The following CPA6 variants were observed in gnomAD, a reference collection of about 807,000 sequenced individuals.
CPA6 encodes the protein carboxypeptidase B.
In CPA6, 58 loss-of-function variants were observed where a neutral mutation model predicts 63.3. The observed-to-expected ratio is 0.92, with a 90% CI of 0.74 to 1.14. CPA6 has a LOEUF of 1.14. Ranked by LOEUF, CPA6 falls within the 50% of genes most tolerant of loss-of-function variation. The pLI is 0.00. For synonymous variants in CPA6, 185 were observed against 179.0 expected, an observed-to-expected ratio of 1.03 and a Z score of -0.27; for missense variants, 565 against 526.6, an observed-to-expected ratio of 1.07 and a Z score of -0.71.
At chr8:67,669,891 C>T (rs181041905) in intron 1 of CPA6, among the ~76,000 whole-genome samples, 10 of 152,044 alleles carry the variant, frequency 6.6e-5, no homozygotes, top group Non-Finnish European at 1.2e-4. Context: ...TAAATAACAA[C>T]TGATGATGAT....
At chr8:67,463,242 G>A (rs1810853120) in intron 8 of CPA6, among the ~76,000 whole-genome samples, 1 of 152,076 alleles carries the variant, frequency 6.6e-6, no homozygotes, top group South Asian at 2.1e-4. Flanking sequence ...TCAGGAGTTC[G>A]AGACCAGCCT....
intron 1 of CPA6, among the ~76,000 whole-genome samples, chr8:67,733,215 A>ATTT (rs1817745822): frequency 7.6e-6 from 1 of 131,114 alleles, no homozygotes; most frequent in Non-Finnish European, 1.8e-5. Flanking sequence ...AAAAAAAAAA[A>ATTT]AAAAAAAAAT....
At chr8:67,492,030 TG>T (rs1389731390) in intron 6 of CPA6, among the ~76,000 whole-genome samples, 3 of 152,148 alleles carry the variant, frequency 2.0e-5, no homozygotes, top group Non-Finnish European at 4.4e-5. Flanking sequence ...CAATAATGGA[TG>T]GTGGAAAGAG....
At chr8:67,488,595 C>A (rs1379084435) in intron 6 of CPA6, among the ~76,000 whole-genome samples, 1 of 152,164 alleles carries the variant, frequency 6.6e-6, no homozygotes, top group Non-Finnish European at 1.5e-5. Context: ...TGAAGAAAGT[C>A]ATTGGTAGCT....
chr8:67,502,253 T>G (rs914026795), intron 6 of CPA6, among the ~76,000 whole-genome samples: 4 of 152,058 alleles, frequency 2.6e-5, no homozygotes, highest in Admixed American at 2.6e-4. Context: ...AGCCTAGGAG[T>G]TTGAGATAAG....
At chr8:67,710,070 G>A (rs562439482) in intron 1 of CPA6, among the ~76,000 whole-genome samples, 5 of 151,450 alleles carry the variant, frequency 3.3e-5, no homozygotes, top group African/African-American at 4.9e-5. Context: ...CTGAGATCGC[G>A]CCACTGCACT....
intron 1 of CPA6, among the ~76,000 whole-genome samples, chr8:67,727,136 A>G (rs2129002523): frequency 6.6e-6 from 1 of 151,692 alleles, no homozygotes; most frequent in South Asian, 2.1e-4. Context: ...TAAATACAGA[A>G]AAAAGTATAG....
At chr8:67,716,852 G>A (rs1316977353) in intron 1 of CPA6, among the ~76,000 whole-genome samples, 2 of 152,106 alleles carry the variant, frequency 1.3e-5, no homozygotes, top group African/African-American at 2.4e-5. Flanking sequence ...TCAGCCAGCT[G>A]TTCATAGTAG....
At chr8:67,660,633 A>G (rs751812270) in intron 1 of CPA6, among the ~76,000 whole-genome samples, 1 of 150,498 alleles carries the variant, frequency 6.6e-6, no homozygotes, top group Non-Finnish European at 1.5e-5. Flanking sequence ...ACGAACCTCT[A>G]TGCCCGGCCT....
intron 7 of CPA6, among the ~76,000 whole-genome samples, chr8:67,484,154 C>T (rs71515065): frequency 3.0e-4 from 46 of 152,022 alleles, no homozygotes; most frequent in Middle Eastern, 3.4e-3. Context: ...ACTGCAAGTT[C>T]CGCCTCCCGG....
At chr8:67,448,664 G>GAAAAAAAAA (rs1810487222) in intron 8 of CPA6, among the ~76,000 whole-genome samples, 4 of 66,458 alleles carry the variant, frequency 6.0e-5, no homozygotes, top group African/African-American at 3.4e-4. Flanking sequence ...AGGAAAGAAC[G>GAAAAAAAAA]AAAAAGAAAA....
At chr8:67,607,388 A>C (rs1261019376) in intron 2 of CPA6, among the ~76,000 whole-genome samples, 1 of 151,836 alleles carries the variant, frequency 6.6e-6, no homozygotes, top group Non-Finnish European at 1.5e-5. Flanking sequence ...AAAGGTAGAA[A>C]AGTAACTCCC....
chr8:67,614,777 A>G (rs143000413), intron 2 of CPA6, among the ~76,000 whole-genome samples: 55 of 152,324 alleles, frequency 3.6e-4, no homozygotes, highest in African/African-American at 1.2e-3. Context: ...CTCCAGGAAG[A>G]TGGTGCCTTT....
chr8:67,562,484 G>A (rs1349027335), intron 2 of CPA6, among the ~76,000 whole-genome samples: 1 of 152,154 alleles, frequency 6.6e-6, no homozygotes, highest in Non-Finnish European at 1.5e-5. Flanking sequence ...TATTACCAAT[G>A]CAGCTCCTTA....
At chr8:67,459,909 G>A (rs12681728) in intron 8 of CPA6, among the ~76,000 whole-genome samples, 17,975 of 152,150 alleles carry the variant, frequency 0.12, 1,154 homozygotes, top group East Asian at 0.23. Context: ...TTGACAATGC[G>A]GGAGGCTATG....
At chr8:67,740,076 C>A (rs1817884443) in intron 1 of CPA6, among the ~76,000 whole-genome samples, 1 of 152,160 alleles carries the variant, frequency 6.6e-6, no homozygotes. Context: ...ATTAAGGATG[C>A]AAACATTGTG....
chr8:67,560,072 A>AT (rs1402301432), intron 2 of CPA6, among the ~76,000 whole-genome samples: 2 of 151,272 alleles, frequency 1.3e-5, no homozygotes, highest in African/African-American at 4.9e-5. Context: ...ATAAATGTTT[A>AT]TTGTTTACAT....
intron 2 of CPA6, among the ~76,000 whole-genome samples, chr8:67,519,530 CTTCTAA>C (rs1812218113): frequency 6.6e-6 from 1 of 152,218 alleles, no homozygotes; most frequent in South Asian, 2.1e-4. Flanking sequence ...GGAAAATAAA[CTTCTAA>C]TGATACAATT....
chr8:67,580,255 T>TG (rs1813734851), intron 2 of CPA6, among the ~76,000 whole-genome samples: 1 of 152,178 alleles, frequency 6.6e-6, no homozygotes, highest in South Asian at 2.1e-4. Context: ...TGTTAAGCTG[T>TG]GGGGGTGCTT....
Sources: gnomAD v4.1 joint callset for allele counts (sites outside exome capture counted in the v4.1 genomes callset) on GRCh38, gnomAD v4.1.1 for gene constraint, MANE v1.5 for transcripts, NCBI Gene and HGNC (gene_info 2026-07-23, HGNC 2026-07-21) for gene names.